PCDHA9: variants seen among roughly 807,000 people sequenced by gnomAD.
PCDHA9 encodes protocadherin alpha 9.
In PCDHA9, 62 loss-of-function variants were observed where a neutral mutation model predicts 62.0. The observed-to-expected ratio is 1.00, with a 90% confidence interval of 0.81 to 1.23. PCDHA9 has a LOEUF of 1.23. PCDHA9 is among the 50% of genes most tolerant of loss of function. PCDHA9 has a pLI of 0.00. For missense variants in PCDHA9, 1,205 were observed against 1,249.8 expected, an observed-to-expected ratio of 0.96 and a Z score of 0.54; for synonymous variants, 557 against 567.6, an observed-to-expected ratio of 0.98 and a Z score of 0.27.
intron 1 of PCDHA9, chr5:140,926,948 C>A: frequency 1.3e-6 from 2 of 1,589,774 alleles, no homozygotes; most frequent in South Asian, 1.1e-5. Flanking sequence ...GGCGCTGCAG[C>A]GGGACAGCTC....
intron 1 of PCDHA9, among the ~76,000 whole-genome samples, chr5:140,932,839 C>T (rs138437913): frequency 6.6e-6 from 1 of 151,940 alleles, no homozygotes; most frequent in East Asian, 1.9e-4. Flanking sequence ...GACAATGTGT[C>T]TCATAATGTT....
chr5:140,925,125 A>G (rs1399052853), intron 1 of PCDHA9, among the ~76,000 whole-genome samples: 2 of 150,878 alleles, frequency 1.3e-5, no homozygotes, highest in African/African-American at 2.4e-5. Flanking sequence ...AAGGAAGGAA[A>G]AAAAATTTCA....
chr5:140,899,259 G>C (rs2067235630), intron 1 of PCDHA9, among the ~76,000 whole-genome samples: 1 of 152,126 alleles, frequency 6.6e-6, no homozygotes, highest in African/African-American at 2.4e-5. Context: ...GGGCATCCCT[G>C]TCTTGTGGCA....
chr5:140,989,733 C>T (rs31874), intron 3 of PCDHA9, among the ~76,000 whole-genome samples: 120,660 of 152,102 alleles, frequency 0.79, 48,852 homozygotes, highest in East Asian at 0.98. Context: ...GTTGAAAAGG[C>T]CATTGCCTAA....
intron 1 of PCDHA9, chr5:140,851,778 A>G: frequency 3.1e-6 from 3 of 964,858 alleles, no homozygotes; most frequent in Non-Finnish European, 3.8e-6. Context: ...ATGAATTTAG[A>G]TGAGAATTCA....
chr5:140,980,487 G>C (rs2096891705), intron 2 of PCDHA9, among the ~76,000 whole-genome samples: 1 of 152,124 alleles, frequency 6.6e-6, no homozygotes, highest in African/African-American at 2.4e-5. Flanking sequence ...AAAATTAGCT[G>C]GGCGTGATGG....
chr5:140,876,118 G>A (rs2153337008), intron 1 of PCDHA9: 1 of 1,613,926 alleles, frequency 6.2e-7, no homozygotes, highest in South Asian at 1.1e-5. Flanking sequence ...GATGGTAATC[G>A]ATGGCGGTAA....
chr5:140,869,271 G>C (rs2050992128), intron 1 of PCDHA9: 1 of 1,613,468 alleles, frequency 6.2e-7, no homozygotes, highest in Admixed American at 1.7e-5. Flanking sequence ...GGCTGGAGCT[G>C]GCGGAGCTGG....
intron 3 of PCDHA9, among the ~76,000 whole-genome samples, chr5:140,983,182 C>T (rs782457174): frequency 6.6e-6 from 1 of 152,188 alleles, no homozygotes; most frequent in Non-Finnish European, 1.5e-5. Flanking sequence ...CTCACAATTT[C>T]TTAGTTTAGA....
At chr5:140,883,311 C>T (rs1562787016) in intron 1 of PCDHA9, 9 of 1,613,984 alleles carry the variant, frequency 5.6e-6, no homozygotes, top group Non-Finnish European at 7.6e-6. Flanking sequence ...GATAACGCCC[C>T]AGAGGTTACC....
chr5:140,870,750 G>T, intron 1 of PCDHA9: 1 of 1,613,506 alleles, frequency 6.2e-7, no homozygotes, highest in Non-Finnish European at 8.5e-7. Flanking sequence ...GCAACGTGAC[G>T]CTGCAGGTGT....
chr5:140,943,465 G>C (rs1332571516), intron 1 of PCDHA9, among the ~76,000 whole-genome samples: 3 of 152,022 alleles, frequency 2.0e-5, no homozygotes, highest in African/African-American at 7.2e-5. Context: ...CTAAATGTGG[G>C]AGATACAGTA....
At chr5:140,879,268 A>G (rs1289844412) in intron 1 of PCDHA9, among the ~76,000 whole-genome samples, 1 of 152,268 alleles carries the variant, frequency 6.6e-6, no homozygotes, top group East Asian at 1.9e-4. Flanking sequence ...CCAGATAATG[A>G]CAGACTCAAT....
intron 1 of PCDHA9, among the ~76,000 whole-genome samples, chr5:140,973,337 G>T (rs2096582330): frequency 6.6e-6 from 1 of 152,162 alleles, no homozygotes; most frequent in African/African-American, 2.4e-5. Flanking sequence ...TCGTTGTAAA[G>T]TGACATAGTA....
At chr5:140,898,703 G>A (rs2066931625) in intron 1 of PCDHA9, among the ~76,000 whole-genome samples, 1 of 152,068 alleles carries the variant, frequency 6.6e-6, no homozygotes, top group Non-Finnish European at 1.5e-5. Context: ...GAACTTTAAA[G>A]TAGTTTTTTC....
At chr5:140,869,228 G>T (rs782726206) in intron 1 of PCDHA9, 1 of 1,613,764 alleles carries the variant, frequency 6.2e-7, no homozygotes, top group South Asian at 1.1e-5. Flanking sequence ...GCCAAACACG[G>T]CACCTTCGTG....
chr5:140,918,234 T>G (rs1188816850), intron 1 of PCDHA9, among the ~76,000 whole-genome samples: 1 of 152,210 alleles, frequency 6.6e-6, no homozygotes, highest in Non-Finnish European at 1.5e-5. Context: ...TTTTGTACAT[T>G]GATTTTGTAT....
intron 3 of PCDHA9, among the ~76,000 whole-genome samples, chr5:140,992,504 C>T (rs2097516189): frequency 6.6e-6 from 1 of 152,174 alleles, no homozygotes; most frequent in African/African-American, 2.4e-5. Context: ...GGATTCAATC[C>T]TGGGGCATGG....
intron 1 of PCDHA9, among the ~76,000 whole-genome samples, chr5:140,875,100 G>C (rs558585314): frequency 6.6e-6 from 1 of 152,124 alleles, no homozygotes; most frequent in Non-Finnish European, 1.5e-5. Context: ...TTGATGTTTT[G>C]TTACTAATAT....
Sources: allele counts gnomAD v4.1 joint callset (sites outside exome capture counted in the v4.1 genomes callset), GRCh38; gene constraint gnomAD v4.1.1; transcripts MANE v1.5; gene names NCBI Gene and HGNC (gene_info 2026-07-23, HGNC 2026-07-21).